OPHN1: variants seen among roughly 807,000 people sequenced by gnomAD.
OPHN1 encodes the protein oligophrenin-1.
In OPHN1, 11 loss-of-function variants were observed where a neutral mutation model predicts 60.7. The observed-to-expected ratio is 0.18, with a 90% confidence interval of 0.11 to 0.30. OPHN1 has a LOEUF of 0.30. Among genes scored for constraint, OPHN1 ranks in the 10% least tolerant of loss-of-function variants. The probability of loss-of-function intolerance (pLI) is 1.00; values close to 1 mark genes in which losing one functional copy is unlikely to be tolerated. For synonymous variants in OPHN1, 226 were observed against 222.6 expected, an observed-to-expected ratio of 1.02 and a Z score of -0.14; for missense variants, 449 against 611.0, an observed-to-expected ratio of 0.73 and a Z score of 2.80.
intron 6 of OPHN1, among the ~76,000 whole-genome samples, chrX:68,214,775 T>A (rs961746495): frequency 5.4e-5 from 6 of 111,438 alleles, no homozygotes; most frequent in Non-Finnish European, 9.4e-5. Context: ...GGTGGGTAGA[T>A]CACCTGAGGT....
chrX:68,074,309 A>G (rs2076946046), intron 19 of OPHN1, among the ~76,000 whole-genome samples: 1 of 111,953 alleles, frequency 8.9e-6, no homozygotes, highest in Admixed American at 9.5e-5. Context: ...CAATGCATGA[A>G]CAATCACAAA....
intron 10 of OPHN1, among the ~76,000 whole-genome samples, chrX:68,203,001 G>A (rs758091027): frequency 2.7e-5 from 3 of 110,589 alleles, no homozygotes; most frequent in African/African-American, 9.8e-5. Flanking sequence ...GGTCATGCCT[G>A]TAATCCCAGC....
chrX:68,348,196 T>C (rs1164224479), intron 2 of OPHN1, among the ~76,000 whole-genome samples: 4 of 111,879 alleles, frequency 3.6e-5, no homozygotes, highest in Admixed American at 9.6e-5. Flanking sequence ...GAGGATCAGG[T>C]AGAGAAGTAG....
chrX:68,184,873 G>A (rs1602220148), intron 15 of OPHN1, among the ~76,000 whole-genome samples: 1 of 112,382 alleles, frequency 8.9e-6, no homozygotes, highest in East Asian at 2.8e-4. Flanking sequence ...TGGGATTACC[G>A]GCTTGAGCCA....
chrX:68,302,588 CAA>C (rs1211598176), intron 2 of OPHN1, among the ~76,000 whole-genome samples: 1 of 92,406 alleles, frequency 1.1e-5, no homozygotes. Context: ...GACTCTATCT[CAA>C]AAAAAAAAAG....
upstream of OPHN1, chrX:68,433,626 T>C (rs951622956): frequency 2.4e-5 from 7 of 294,290 alleles, no homozygotes; most frequent in Middle Eastern, 8.9e-4. Flanking sequence ...CTGTTTTCCT[T>C]GTACCTTAGA....
chrX:68,416,033 AATATATAT>A lies in OPHN1; in HGVS notation c.154+16826_154+16833del, dbSNP rs1163304135. Among the ~76,000 whole-genome samples, 87 of 29,708 alleles carry A rather than the reference AATATATAT, an allele frequency of 2.9e-3. 1 individual carries two copies. Among genetic ancestry groups the A allele is most frequent in the African/African-American group, 6.3e-3 (64 of 10,144 alleles). The allele number at this position is 29,708 out of a possible 115,157, so 25.8% of individuals were successfully genotyped here. A position where few individuals can be genotyped will look rare whatever the true frequency, so the allele number is the denominator to read the frequency against. ...CCGTCTCAAAAAAAAAAAATTATATAATATATATATATATATATATATATATATATATA... is the reference window on the plus strand; with the variant it reads ...CCGTCTCAAAAAAAAAAAATTATATAATATATATATATATATATATATATA... On this transcript the variant is annotated intron_variant, in intron 2 of 24. Coordinates refer to ENST00000355520, the MANE Select transcript of OPHN1 (RefSeq NM_002547.3).
intron 2 of OPHN1, among the ~76,000 whole-genome samples, chrX:68,394,898 G>A (rs1282137760): frequency 1.8e-5 from 2 of 111,095 alleles, no homozygotes; most frequent in Non-Finnish European, 3.8e-5. Context: ...CACTCACCTC[G>A]GCCTCCCAAA....
chrX:68,318,654 A>G (rs189803778), intron 2 of OPHN1, among the ~76,000 whole-genome samples: 10 of 111,993 alleles, frequency 8.9e-5, no homozygotes, highest in Non-Finnish European at 1.9e-4. Context: ...ACAACTAGTG[A>G]ATATTGATAC....
At chrX:68,171,594 G>A (rs1180273974) in intron 15 of OPHN1, among the ~76,000 whole-genome samples, 1 of 110,897 alleles carries the variant, frequency 9.0e-6, no homozygotes, top group African/African-American at 3.3e-5. Flanking sequence ...AACTTAGCCA[G>A]GGCTGGTGGT....
intron 20 of OPHN1, among the ~76,000 whole-genome samples, chrX:68,068,036 G>A (rs775402313): frequency 9.0e-6 from 1 of 111,569 alleles, no homozygotes; most frequent in African/African-American, 3.3e-5. Context: ...TACCTACCTC[G>A]CATGGGAGTG....
At chrX:68,377,838 C>G (rs1403716311) in intron 2 of OPHN1, among the ~76,000 whole-genome samples, 15 of 111,782 alleles carry the variant, frequency 1.3e-4, no homozygotes, top group Admixed American at 9.6e-4. Flanking sequence ...CACTGTTGGA[C>G]ATTTGGGTTG....
At chrX:68,067,665 G>C (rs771748451) in intron 20 of OPHN1, among the ~76,000 whole-genome samples, 68 of 111,307 alleles carry the variant, frequency 6.1e-4, no homozygotes, top group African/African-American at 2.2e-3. Context: ...CCAAACTAGA[G>C]CTGCGTCAGA....
intron 5 of OPHN1, among the ~76,000 whole-genome samples, chrX:68,267,217 G>A (rs2077935135): frequency 9.0e-6 from 1 of 111,343 alleles, no homozygotes; most frequent in African/African-American, 3.3e-5. Context: ...CAAATCAACA[G>A]AATATACATT....
intron 18 of OPHN1, among the ~76,000 whole-genome samples, chrX:68,111,553 T>G (rs763290634): frequency 1.8e-5 from 2 of 112,450 alleles, no homozygotes; most frequent in Admixed American, 1.9e-4. Flanking sequence ...TTGCCTGAGA[T>G]TATACAGCAA....
At chrX:68,231,760 A>T (rs1569252638) in intron 6 of OPHN1, among the ~76,000 whole-genome samples, 3 of 111,992 alleles carry the variant, frequency 2.7e-5, no homozygotes, top group African/African-American at 3.2e-5. Flanking sequence ...TATGGAGTCC[A>T]TAAAAAGATC....
At chrX:68,236,476 A>T (rs2077753450) in intron 5 of OPHN1, among the ~76,000 whole-genome samples, 1 of 112,437 alleles carries the variant, frequency 8.9e-6, no homozygotes, top group Non-Finnish European at 1.9e-5. Flanking sequence ...AAAGCTGTGC[A>T]ACCACTGCTG....
In OPHN1 at chrX:68,234,591, A is replaced by G; in HGVS notation, c.385-3T>C. 1 of 1,150,128 alleles carries G rather than the reference A, an allele frequency of 8.7e-7. No individual in the cohort carries two copies. Among genetic ancestry groups the G allele is most frequent in the Non-Finnish European group, 1.2e-6 (1 of 839,366 alleles). 94.8% of individuals were successfully genotyped at this position (1,150,128 alleles called of 1,213,427 possible). On this transcript the variant is annotated splice_polypyrimidine_tract_variant and splice_region_variant and intron_variant, in intron 5 of 24. Coordinates refer to ENST00000355520, the MANE Select transcript of OPHN1 (RefSeq NM_002547.3). ...TTTTCAAATTTCTTTTTCCGCTCCTAAAGGTGGGAAAGAAGGGCAAAGATT... is the reference window on the plus strand; with the variant it reads ...TTTTCAAATTTCTTTTTCCGCTCCTGAAGGTGGGAAAGAAGGGCAAAGATT...
intron 3 of OPHN1, among the ~76,000 whole-genome samples, chrX:68,296,374 A>G (rs2078095027): frequency 9.0e-6 from 1 of 111,672 alleles, no homozygotes; most frequent in Admixed American, 9.6e-5. Context: ...AGAAGCAAAA[A>G]GGCCGGGCAC....
Sources: allele counts gnomAD v4.1 joint callset (sites outside exome capture counted in the v4.1 genomes callset), GRCh38; gene constraint gnomAD v4.1.1; transcripts MANE v1.5; gene names NCBI Gene and HGNC (gene_info 2026-07-23, HGNC 2026-07-21).